FHIT: variants seen among roughly 807,000 people sequenced by gnomAD.
The protein encoded by FHIT is fragile histidine triad diadenosine triphosphatase, also known as bis(5'-adenosyl)-triphosphatase.
Under a neutral mutation model 17.9 loss-of-function variants are expected in FHIT, and 19 were observed. The observed-to-expected ratio is 1.06, with a 90% CI of 0.74 to 1.56. The LOEUF (loss-of-function observed/expected upper bound fraction) is 1.56. FHIT is among the 40% of genes most tolerant of loss of function. FHIT has a pLI of 0.00. For synonymous variants in FHIT, 81 were observed against 69.7 expected (o/e 1.16, Z -0.81); for missense variants, 248 against 189.2 (o/e 1.31, Z -1.82).
At chr3:60,476,600 G>A (rs1306422775) in intron 5 of FHIT, among the ~76,000 whole-genome samples, 1 of 152,138 alleles carries the variant, frequency 6.6e-6, no homozygotes, top group Admixed American at 6.5e-5. Flanking sequence ...AGGTCAGCTG[G>A]TTCTCAGGAG....
At position 60,382,301 on chromosome 3, in the gene FHIT, T is replaced by A. The variant is rs79805260; in HGVS notation, c.103+154559A>T. ...ATAAGAACTTGCATTAGCAGCAGTATAAAACTACAAAATACTAAAAATGCA... is the reference window on the plus strand; with the variant it reads ...ATAAGAACTTGCATTAGCAGCAGTAAAAAACTACAAAATACTAAAAATGCA... On this transcript the variant is annotated intron_variant, in intron 5 of 9. Coordinates refer to ENST00000492590, the MANE Select transcript of FHIT (RefSeq NM_002012.4). Among the ~76,000 whole-genome samples, 1,177 of 152,302 alleles carry A rather than the reference T, an allele frequency of 7.7e-3. 22 individuals are homozygous for A. Among genetic ancestry groups the A allele is most frequent in the African/African-American group, 0.027 (1,133 of 41,552 alleles).
At chr3:60,731,957 A>C (rs1254668867) in intron 4 of FHIT, among the ~76,000 whole-genome samples, 1 of 152,124 alleles carries the variant, frequency 6.6e-6, no homozygotes, top group Non-Finnish European at 1.5e-5. Flanking sequence ...TTGTTATTTA[A>C]TTTTTATTTC....
At chr3:60,171,487 G>A (rs115698803) in intron 5 of FHIT, among the ~76,000 whole-genome samples, 2 of 152,074 alleles carry the variant, frequency 1.3e-5, no homozygotes. Context: ...CTAATTGTGG[G>A]TGCCAACTGG....
At chr3:60,766,954 G>A (rs2108065970) in intron 4 of FHIT, among the ~76,000 whole-genome samples, 1 of 152,260 alleles carries the variant, frequency 6.6e-6, no homozygotes, top group South Asian at 2.1e-4. Flanking sequence ...TTGGAATGTG[G>A]CATGCTCAAT....
intron 5 of FHIT, among the ~76,000 whole-genome samples, chr3:60,049,797 G>C (rs528891407): frequency 1.8e-4 from 28 of 152,214 alleles, no homozygotes; most frequent in African/African-American, 6.7e-4. Context: ...GGGTGATCTA[G>C]GTTTTAATTC....
chr3:60,957,956 T>C (rs902468638), intron 3 of FHIT, among the ~76,000 whole-genome samples: 1 of 152,256 alleles, frequency 6.6e-6, no homozygotes, highest in Non-Finnish European at 1.5e-5. Context: ...GTCAAAAATT[T>C]TATTTTTTAA....
intron 4 of FHIT, among the ~76,000 whole-genome samples, chr3:60,548,808 A>G (rs142118899): frequency 6.6e-6 from 1 of 152,322 alleles, no homozygotes; most frequent in East Asian, 1.9e-4. Flanking sequence ...AGGTCTATTA[A>G]GATCAACTTG....
At chr3:59,964,865 A>T (rs948178533) in intron 7 of FHIT, among the ~76,000 whole-genome samples, 5 of 152,176 alleles carry the variant, frequency 3.3e-5, no homozygotes, top group African/African-American at 1.2e-4. Flanking sequence ...CACCAATGTG[A>T]ATATCATTAG....
At chr3:60,240,093 A>G (rs948682267) in intron 5 of FHIT, among the ~76,000 whole-genome samples, 1 of 152,186 alleles carries the variant, frequency 6.6e-6, no homozygotes, top group Non-Finnish European at 1.5e-5. Flanking sequence ...CATAATAATT[A>G]TTTGTCCTTG....
At chr3:60,257,509 A>C (rs1039595282) in intron 5 of FHIT, among the ~76,000 whole-genome samples, 1 of 152,148 alleles carries the variant, frequency 6.6e-6, no homozygotes, top group East Asian at 1.9e-4. Flanking sequence ...GTGGCTTTTC[A>C]TAGAGTGTTC....
chr3:59,892,269 C>A (rs914006894), intron 8 of FHIT, among the ~76,000 whole-genome samples: 1 of 152,178 alleles, frequency 6.6e-6, no homozygotes, highest in Non-Finnish European at 1.5e-5. Context: ...TGACAAATTG[C>A]GCTCAGGAGT....
chr3:60,100,211 C>G (rs992147020), intron 5 of FHIT, among the ~76,000 whole-genome samples: 2 of 152,034 alleles, frequency 1.3e-5, no homozygotes, highest in Admixed American at 6.6e-5. Context: ...ATGGTAAAAC[C>G]CCGTCTCTAC....
At chr3:60,471,536 C>T (rs1332324980) in intron 5 of FHIT, among the ~76,000 whole-genome samples, 1 of 152,124 alleles carries the variant, frequency 6.6e-6, no homozygotes, top group Non-Finnish European at 1.5e-5. Flanking sequence ...ACTCTCCTTC[C>T]CCCAAGCACA....
intron 7 of FHIT, among the ~76,000 whole-genome samples, chr3:59,970,566 G>A (rs767332862): frequency 3.9e-5 from 6 of 152,226 alleles, no homozygotes; most frequent in Admixed American, 1.3e-4. Context: ...GAAAGCAAGC[G>A]GAGGGAACAG....
At chr3:60,269,513 G>A (rs372445327) in intron 5 of FHIT, among the ~76,000 whole-genome samples, 4 of 152,176 alleles carry the variant, frequency 2.6e-5, no homozygotes, top group Non-Finnish European at 5.9e-5. Flanking sequence ...TTAGCTTATC[G>A]CTTTAGGCAG....
intron 1 of FHIT, among the ~76,000 whole-genome samples, chr3:61,210,370 C>T (rs2039420871): frequency 6.6e-6 from 1 of 152,230 alleles, no homozygotes; most frequent in Admixed American, 6.5e-5. Context: ...GAGGTTACTG[C>T]TGCCTTTTGT....
intron 4 of FHIT, among the ~76,000 whole-genome samples, chr3:60,592,401 A>G (rs1477511705): frequency 6.6e-6 from 1 of 152,056 alleles, no homozygotes; most frequent in Non-Finnish European, 1.5e-5. Context: ...ACAGACAAAA[A>G]TAACAATGGC....
chr3:61,179,437 C>T (rs1018688981), intron 2 of FHIT, among the ~76,000 whole-genome samples: 6 of 152,072 alleles, frequency 3.9e-5, no homozygotes, highest in African/African-American at 1.4e-4. Flanking sequence ...AGTCCAGGCA[C>T]AGTGACCCAC....
chr3:61,209,746 C>T (rs1237626668), intron 1 of FHIT, among the ~76,000 whole-genome samples: 2 of 152,044 alleles, frequency 1.3e-5, no homozygotes, highest in African/African-American at 4.8e-5. Flanking sequence ...ACTTCTTTGC[C>T]ATTGGTTCGA....
Sources: allele counts gnomAD v4.1 joint callset (sites outside exome capture counted in the v4.1 genomes callset), GRCh38; gene constraint gnomAD v4.1.1; transcripts MANE v1.5; gene names NCBI Gene and HGNC (gene_info 2026-07-23, HGNC 2026-07-21).